Variants in FRK observed in about 807,000 individuals in gnomAD.
FRK encodes tyrosine-protein kinase FRK.
FRK carries 51 observed loss-of-function variants against 56.4 expected under a neutral mutation model. The observed-to-expected ratio is 0.90, with a 90% CI of 0.72 to 1.14. The LOEUF (loss-of-function observed/expected upper bound fraction) is 1.14. FRK is among the 50% of genes most tolerant of loss of function. FRK has a pLI of 0.00. For synonymous variants in FRK, 245 were observed against 217.9 expected, an observed-to-expected ratio of 1.12 and a Z score of -1.10; for missense variants, 570 against 601.4, an observed-to-expected ratio of 0.95 and a Z score of 0.55.
intron 1 of FRK, among the ~76,000 whole-genome samples, chr6:116,032,418 C>T (rs1208497872): frequency 1.3e-5 from 2 of 152,040 alleles, no homozygotes; most frequent in Admixed American, 6.6e-5. Context: ...CCCAACACCA[C>T]GATATCCTAA....
chr6:115,958,332 A>C (rs1364109906), intron 4 of FRK, among the ~76,000 whole-genome samples: 1 of 151,592 alleles, frequency 6.6e-6, no homozygotes, highest in Non-Finnish European at 1.5e-5. Flanking sequence ...TATGATAACC[A>C]TACAGAAAAT....
chr6:116,031,852 T>C (rs1315633417), intron 1 of FRK, among the ~76,000 whole-genome samples: 1 of 152,148 alleles, frequency 6.6e-6, no homozygotes, highest in African/African-American at 2.4e-5. Flanking sequence ...AAAATTTATT[T>C]TGAGAAACAA....
rs1774421178 is a variant in FRK, at chr6:115,986,996, G to C, written c.466+16881C>G. Among the ~76,000 whole-genome samples, 4 of 152,088 alleles carry C rather than the reference G, an allele frequency of 2.6e-5. No individual in the cohort carries two copies. The East Asian group carries it at 7.7e-4, about 29-fold the overall frequency. On this transcript the variant is annotated intron_variant, in intron 2 of 7. Transcript: ENST00000606080. ...TACATCACAAATTCCGGAGAGAAAA[G>C]AACAAACCCAGTACCTTCTTTCTTC...
intron 1 of FRK, chr6:116,039,215 A>G: frequency 6.8e-7 from 1 of 1,461,128 alleles, no homozygotes; most frequent in Non-Finnish European, 9.6e-7. Context: ...GATAACGTGA[A>G]GGACTGGAGC....
chr6:116,025,022 G>A (rs1005953000), intron 1 of FRK, among the ~76,000 whole-genome samples: 1 of 152,060 alleles, frequency 6.6e-6, no homozygotes, highest in African/African-American at 2.4e-5. Context: ...GCCAGTGATG[G>A]TGAGCATTTT....
At chr6:115,950,212 C>T (rs1000767848) in intron 5 of FRK, among the ~76,000 whole-genome samples, 1 of 152,168 alleles carries the variant, frequency 6.6e-6, no homozygotes, top group African/African-American at 2.4e-5. Flanking sequence ...AGCTCCTGCA[C>T]AGCAAAAGAA....
chr6:116,044,127 C>G (rs185219957), intron 1 of FRK, among the ~76,000 whole-genome samples: 1 of 152,112 alleles, frequency 6.6e-6, no homozygotes, highest in African/African-American at 2.4e-5. Flanking sequence ...CAGGACCAGA[C>G]GGATTCACAG....
chr6:116,004,753 T>C (rs1775188839), intron 1 of FRK, among the ~76,000 whole-genome samples: 1 of 152,212 alleles, frequency 6.6e-6, no homozygotes, highest in Admixed American at 6.5e-5. Context: ...CAAGGAATTA[T>C]GGATCATTAA....
the FRK span, among the ~76,000 whole-genome samples, chr6:116,083,986 T>C: frequency 6.6e-6 from 1 of 152,134 alleles, no homozygotes; most frequent in Admixed American, 6.5e-5. Flanking sequence ...TGACTGCTTA[T>C]ATATTCACAG....
chr6:116,003,970 C>T lies in FRK; in HGVS notation c.373G>A (p.Asp125Asn), dbSNP rs1454067421. The T allele has an allele frequency of 1.9e-6, 3 of 1,612,782 alleles. No individual in the cohort carries two copies. The Admixed American group carries it at 5.0e-5, about 27-fold the overall frequency. ...PWFFGAIGRS[D>N]AEKQLLYSEN... ...GAATATAATAGTTGTTTCTCTGCAT[C>T]TGATCTTCCGATTGCTCCAAAGAAC... Residue 125 changes from aspartate (D) to asparagine (N), a missense_variant, in exon 2 of 8, where the codon GAT (aspartate) becomes AAT (asparagine). Physicochemically the swap from Asp to Asn is conservative, Grantham distance 23. Transcript: ENST00000606080.
intron 2 of FRK, among the ~76,000 whole-genome samples, chr6:115,994,324 TC>T (rs769721283): frequency 0.011 from 382 of 33,862 alleles, 18 homozygotes; most frequent in African/African-American, 0.032. Context: ...TCTCACAACC[TC>T]CCCCCCCCCC....
chr6:116,087,665 A>G, the FRK span, among the ~76,000 whole-genome samples: 3 of 152,280 alleles, frequency 2.0e-5, no homozygotes, highest in Admixed American at 6.5e-5. Flanking sequence ...GGTTAGAGAC[A>G]GACTGGCCAA....
chr6:115,960,338 G>T (rs887522641), intron 4 of FRK, among the ~76,000 whole-genome samples: 1 of 151,432 alleles, frequency 6.6e-6, no homozygotes, highest in African/African-American at 2.4e-5. Flanking sequence ...TTTTCAGACC[G>T]GCTTAAAAAA....
intron 1 of FRK, among the ~76,000 whole-genome samples, chr6:116,008,726 G>A (rs993309983): frequency 2.0e-5 from 3 of 152,136 alleles, no homozygotes; most frequent in Admixed American, 6.6e-5. Flanking sequence ...CCCCAGGCCC[G>A]GATGTCCACC....
At chr6:115,951,679 A>G (rs183305778) in intron 5 of FRK, among the ~76,000 whole-genome samples, 10 of 152,336 alleles carry the variant, frequency 6.6e-5, no homozygotes, top group African/African-American at 2.2e-4. Flanking sequence ...TATTTCAACT[A>G]TCACATATGA....
chr6:115,972,480 A>G (rs1773842762), intron 2 of FRK, among the ~76,000 whole-genome samples: 1 of 152,136 alleles, frequency 6.6e-6, no homozygotes, highest in African/African-American at 2.4e-5. Flanking sequence ...GGTCCCATTC[A>G]TTAGCCCAGG....
intron 2 of FRK, among the ~76,000 whole-genome samples, chr6:115,994,620 C>T (rs1421613293): frequency 6.6e-6 from 1 of 152,054 alleles, no homozygotes; most frequent in African/African-American, 2.4e-5. Context: ...ATTGTTATGA[C>T]CTGCAATTGC....
At chr6:116,039,588 G>A in intron 1 of FRK, 1 of 795,510 alleles carries the variant, frequency 1.3e-6, no homozygotes, top group Non-Finnish European at 2.3e-6. Context: ...TGTTTCTGAT[G>A]GTGTCATCTG....
intron 2 of FRK, among the ~76,000 whole-genome samples, chr6:115,983,560 T>G (rs150735708): frequency 1.3e-3 from 191 of 152,270 alleles, no homozygotes; most frequent in Middle Eastern, 6.8e-3. Flanking sequence ...CAAACCAAAA[T>G]TTCAATTCAC....
Sources: gnomAD v4.1 joint callset for allele counts (sites outside exome capture counted in the v4.1 genomes callset) on GRCh38, gnomAD v4.1.1 for gene constraint, MANE v1.5 for transcripts, NCBI Gene and HGNC (gene_info 2026-07-23, HGNC 2026-07-21) for gene names.